Variants in PTPRT observed in about 807,000 individuals in gnomAD.
PTPRT encodes the protein receptor-type tyrosine-protein phosphatase T.
Under a neutral mutation model 176.8 loss-of-function variants are expected in PTPRT, and 56 were observed. The ratio of observed to expected loss-of-function variants is 0.32; its 90% CI spans 0.26 to 0.40. The LOEUF is 0.40. Among genes scored for constraint, PTPRT ranks in the 10% least tolerant of loss-of-function variants. The pLI, the probability that PTPRT is intolerant of heterozygous loss-of-function variation, is 1.00. For synonymous variants in PTPRT, 783 were observed against 739.0 expected (o/e 1.06, Z -0.96); for missense variants, 1,540 against 1,908.2 (o/e 0.81, Z 3.60).
At chr20:42,958,338 G>GA (rs1981779662) in intron 1 of PTPRT, among the ~76,000 whole-genome samples, 3 of 6,678 alleles carry the variant, frequency 4.5e-4, no homozygotes, top group Non-Finnish European at 9.8e-4. Context: ...GAGGAGGGAG[G>GA]GGAGAGGAGG....
At chr20:42,915,267 C>G (rs937798836) in intron 1 of PTPRT, among the ~76,000 whole-genome samples, 1 of 152,210 alleles carries the variant, frequency 6.6e-6, no homozygotes, top group Non-Finnish European at 1.5e-5. Flanking sequence ...GTTTGAGGCA[C>G]GGCTTAGAGA....
chr20:42,349,884 G>C (rs939515385), intron 11 of PTPRT, among the ~76,000 whole-genome samples: 1 of 152,158 alleles, frequency 6.6e-6, no homozygotes, highest in South Asian at 2.1e-4. Context: ...TTTAACTATG[G>C]AGATGCGTCA....
In PTPRT at chr20:42,425,879, CAAAG is replaced by C. The variant is rs1158118798; in HGVS notation, c.1560+22337_1560+22340del. Among the ~76,000 whole-genome samples the C allele has an allele frequency of 2.6e-5, 4 of 152,060 alleles. No individual in the cohort carries two copies. The East Asian group carries it at 7.7e-4, about 29-fold the overall frequency. Reference sequence around the variant, plus strand: ...AAGGCAAATCAGCGTTATCAATGTGCAAAGAAGTACAAAGGTAAAGAGGAGCTTC... The same window carrying C: ...AAGGCAAATCAGCGTTATCAATGTGCAAGTACAAAGGTAAAGAGGAGCTTC... On this transcript the variant is annotated intron_variant, in intron 9 of 30. Coordinates refer to ENST00000373187, the MANE Select transcript of PTPRT (RefSeq NM_007050.6).
At chr20:42,418,107 T>C (rs1272433741) in intron 9 of PTPRT, among the ~76,000 whole-genome samples, 2 of 152,186 alleles carry the variant, frequency 1.3e-5, no homozygotes, top group African/African-American at 2.4e-5. Flanking sequence ...GTATGATTTG[T>C]CTGGACTGAA....
At chr20:42,048,814 T>TG in the PTPRT span, among the ~76,000 whole-genome samples, 2 of 152,114 alleles carry the variant, frequency 1.3e-5, no homozygotes, top group Admixed American at 6.6e-5. Context: ...ACTAAGTTTT[T>TG]TTTGTTTTGT....
At chr20:42,548,130 C>T (rs575142144) in intron 7 of PTPRT, among the ~76,000 whole-genome samples, 1 of 151,970 alleles carries the variant, frequency 6.6e-6, no homozygotes, top group Non-Finnish European at 1.5e-5. Flanking sequence ...AATGATATAA[C>T]AAATGTGCTA....
intron 2 of PTPRT, among the ~76,000 whole-genome samples, chr20:42,882,730 C>G (rs1014734582): frequency 1.2e-4 from 18 of 152,212 alleles, no homozygotes; most frequent in African/African-American, 4.1e-4. Flanking sequence ...ACAAGATTCT[C>G]ATGGTCCCCA....
intron 7 of PTPRT, among the ~76,000 whole-genome samples, chr20:42,670,296 T>C (rs191634765): frequency 6.6e-6 from 1 of 152,158 alleles, no homozygotes; most frequent in Admixed American, 6.5e-5. Context: ...TCCAACAAAA[T>C]GGTGCATTAT....
At chr20:42,640,395 A>G (rs2074714470) in intron 7 of PTPRT, among the ~76,000 whole-genome samples, 2 of 146,442 alleles carry the variant, frequency 1.4e-5, no homozygotes, top group Admixed American at 6.8e-5. Flanking sequence ...AGACTTCTTT[A>G]AAAAAAAAAA....
At chr20:42,086,104 T>C (rs1351858292) in intron 27 of PTPRT, among the ~76,000 whole-genome samples, 2 of 152,064 alleles carry the variant, frequency 1.3e-5, no homozygotes, top group Non-Finnish European at 2.9e-5. Flanking sequence ...CCTGCCACCA[T>C]GTCTGGCTAT....
intron 6 of PTPRT, among the ~76,000 whole-genome samples, chr20:42,753,939 C>T (rs2145394752): frequency 6.6e-6 from 1 of 152,248 alleles, no homozygotes; most frequent in Middle Eastern, 3.4e-3. Flanking sequence ...CTCCCATAGC[C>T]ACTGGTCACA....
intron 9 of PTPRT, among the ~76,000 whole-genome samples, chr20:42,386,156 G>A (rs942606608): frequency 6.6e-6 from 1 of 152,248 alleles, no homozygotes; most frequent in African/African-American, 2.4e-5. Context: ...CAGAAGTTTG[G>A]CACTGTGAGA....
intron 7 of PTPRT, among the ~76,000 whole-genome samples, chr20:42,595,847 G>C (rs1309034535): frequency 6.6e-6 from 1 of 152,270 alleles, no homozygotes; most frequent in African/African-American, 2.4e-5. Context: ...CACCTGCCTA[G>C]AGACAAGGCT....
intron 14 of PTPRT, among the ~76,000 whole-genome samples, chr20:42,237,251 T>A (rs1039839861): frequency 1.3e-5 from 2 of 152,146 alleles, no homozygotes; most frequent in Non-Finnish European, 2.9e-5. Flanking sequence ...TTGGGGGTAG[T>A]TTGTTACATG....
In PTPRT at chr20:43,078,330, CTGAA is replaced by C. The variant is rs2011335270; in HGVS notation, c.88+111312_88+111315del. The stretch of plus-strand genomic sequence containing the variant: ...CTTGAAGCTGACCACTCAGCCAGCC[CTGAA>C]TGAATGAGTCTGGCACCTGTGAAGA... On this transcript the variant is annotated intron_variant, in intron 1 of 30. Coordinates refer to ENST00000373187, the MANE Select transcript of PTPRT (RefSeq NM_007050.6). 1.3e-5 allele frequency among the ~76,000 whole-genome samples: 2 copies of C among 152,192 alleles called. 1 individual carries two copies. The highest frequency in any genetic ancestry group is 4.1e-4 in the South Asian group (2 of 4,828).
chr20:42,381,433 G>A (rs1475754220), intron 9 of PTPRT, among the ~76,000 whole-genome samples: 5 of 152,116 alleles, frequency 3.3e-5, no homozygotes, highest in Non-Finnish European at 4.4e-5. Context: ...CCGTCAGCCC[G>A]GGTCCCTGTG....
rs140814763 is a variant in PTPRT, at chr20:42,705,294, T to C, written c.860-27135A>G. Reference sequence around the variant, plus strand: ...GTGAGCAACAAGGCTGTTTATTCACTTGGGTGCAAGTGGGCTGAGTCCGAG... The same window carrying C: ...GTGAGCAACAAGGCTGTTTATTCACCTGGGTGCAAGTGGGCTGAGTCCGAG... On this transcript the variant is annotated intron_variant, in intron 6 of 30. Transcript: ENST00000373187. Among the ~76,000 whole-genome samples the C allele has an allele frequency of 4.8e-3, 738 of 152,186 alleles. 10 individuals carry two copies. The highest frequency in any genetic ancestry group is 0.017 in the African/African-American group (693 of 41,518).
chr20:42,532,005 A>G (rs2072392958), intron 7 of PTPRT, among the ~76,000 whole-genome samples: 1 of 152,188 alleles, frequency 6.6e-6, no homozygotes, highest in African/African-American at 2.4e-5. Flanking sequence ...TAAACTAACA[A>G]TGTCACTGTA....
chr20:43,069,006 T>C (rs1174186114), intron 1 of PTPRT, among the ~76,000 whole-genome samples: 2 of 152,204 alleles, frequency 1.3e-5, no homozygotes, highest in Admixed American at 1.3e-4. Context: ...AGTGAGGTCA[T>C]GAATAATGAG....
Sources: gnomAD v4.1 joint callset for allele counts (sites outside exome capture counted in the v4.1 genomes callset) on GRCh38, gnomAD v4.1.1 for gene constraint, MANE v1.5 for transcripts, NCBI Gene and HGNC (gene_info 2026-07-23, HGNC 2026-07-21) for gene names.